Variants in PTPRM observed in about 807,000 individuals in gnomAD.
The protein encoded by PTPRM is protein tyrosine phosphatase receptor type M.
In PTPRM, 47 loss-of-function variants were observed where a neutral mutation model predicts 186.7. That is an observed-to-expected ratio of 0.25 (90% CI 0.20 to 0.32). The LOEUF is 0.32. Among genes scored for constraint, PTPRM ranks in the 10% least tolerant of loss-of-function variants. The pLI, the probability that PTPRM is intolerant of heterozygous loss-of-function variation, is 1.00. For missense variants in PTPRM, 1,494 were observed against 1,865.0 expected (o/e 0.80, Z 3.66); for synonymous variants, 668 against 674.9 (o/e 0.99, Z 0.16).
In PTPRM at chr18:7,906,550, A is replaced by G. The variant is rs751358939; in HGVS notation, c.514A>G (p.Ile172Val). ...ITSGHQGYLAIDEVKVLGHPC... is the reference protein window; with the variant it reads ...ITSGHQGYLAVDEVKVLGHPC... ...TTCTGGACATCAAGGCTATCTCGCTATCGATGAGGTGAAGGTGTTAGGACA... is the reference window on the plus strand; with the variant it reads ...TTCTGGACATCAAGGCTATCTCGCTGTCGATGAGGTGAAGGTGTTAGGACA... Residue 172 changes from isoleucine (I) to valine (V), a missense_variant, in exon 4 of 33, where the codon ATC (isoleucine) becomes GTC (valine). Transcript: ENST00000580170. The G allele has an allele frequency of 2.4e-5, 39 of 1,613,524 alleles. No homozygotes were observed. The Admixed American group carries it at 3.0e-4, about 12-fold the overall frequency.
intron 1 of PTPRM, among the ~76,000 whole-genome samples, chr18:7,738,751 A>G (rs532268361): frequency 2.0e-5 from 3 of 152,154 alleles, no homozygotes; most frequent in East Asian, 3.9e-4. Flanking sequence ...AGTTCGTTCA[A>G]CTTTTGAAGC....
At chr18:7,779,912 C>T (rs751899064) in intron 2 of PTPRM, among the ~76,000 whole-genome samples, 3 of 152,150 alleles carry the variant, frequency 2.0e-5, no homozygotes, top group Non-Finnish European at 2.9e-5. Context: ...TTAAATTCTT[C>T]GTCTGATAAG....
intron 19 of PTPRM, among the ~76,000 whole-genome samples, chr18:8,260,142 TGA>T (rs2094613682): frequency 6.6e-6 from 1 of 151,736 alleles, no homozygotes; most frequent in African/African-American, 2.4e-5. Flanking sequence ...ACACGAGCAG[TGA>T]GAGAGGACCA....
chr18:8,076,507 G>A lies in PTPRM; in HGVS notation c.1494G>A (p.Lys498=). The A allele has an allele frequency of 6.2e-7, 1 of 1,610,284 alleles. No homozygotes were observed. Among genetic ancestry groups the A allele is most frequent in the South Asian group, 1.1e-5 (1 of 90,786 alleles). The change falls in exon 9 of 33, where the codon AAG becomes AAA. Residue 498 remains lysine, a synonymous_variant. Transcript: ENST00000580170. ...TACAAGGAAGTACCTTTGAAGAGAA[G>A]ATATTTCTTCAGTGGAGAGAACCAA... ...ESIQGSTFEE[K]IFLQWREPTQ... is the part of the protein sequence containing the mutation.
intron 23 of PTPRM, among the ~76,000 whole-genome samples, chr18:8,355,536 G>T (rs764333993): frequency 3.9e-5 from 6 of 152,088 alleles, no homozygotes; most frequent in African/African-American, 1.4e-4. Context: ...ATGACAGAGA[G>T]CCCCAAAGGA....
At chr18:8,232,250 G>A (rs1185321450) in intron 14 of PTPRM, among the ~76,000 whole-genome samples, 1 of 152,174 alleles carries the variant, frequency 6.6e-6, no homozygotes, top group African/African-American at 2.4e-5. Flanking sequence ...AGTGACACAC[G>A]TTTAAGTTTC....
intron 2 of PTPRM, among the ~76,000 whole-genome samples, chr18:7,836,169 T>C (rs2046038644): frequency 6.6e-6 from 1 of 152,106 alleles, no homozygotes; most frequent in African/African-American, 2.4e-5. Context: ...GATCTTCTCT[T>C]ATTTCTTTTC....
chr18:7,829,015 C>T (rs920980556), intron 2 of PTPRM, among the ~76,000 whole-genome samples: 2 of 152,044 alleles, frequency 1.3e-5, no homozygotes, highest in African/African-American at 4.8e-5. Flanking sequence ...CTGTTAATTC[C>T]CACAATTTCA....
chr18:7,828,918 T>G (rs1462473050), intron 2 of PTPRM, among the ~76,000 whole-genome samples: 14 of 152,230 alleles, frequency 9.2e-5, no homozygotes. Context: ...ATATAAGTAT[T>G]GCAATAAAGA....
At chr18:8,311,374 C>T (rs564876650) in intron 20 of PTPRM, among the ~76,000 whole-genome samples, 2 of 151,482 alleles carry the variant, frequency 1.3e-5, no homozygotes, top group East Asian at 3.9e-4. Context: ...CTTGGATGAT[C>T]CTGGACCACC....
At chr18:7,792,073 CA>C (rs1354352966) in intron 2 of PTPRM, among the ~76,000 whole-genome samples, 2 of 152,088 alleles carry the variant, frequency 1.3e-5, no homozygotes, top group Non-Finnish European at 2.9e-5. Flanking sequence ...TCAGCTTTTC[CA>C]GGGAAACCAC....
intron 7 of PTPRM, among the ~76,000 whole-genome samples, chr18:8,032,306 A>G (rs2086031064): frequency 6.6e-6 from 1 of 152,148 alleles, no homozygotes; most frequent in Non-Finnish European, 1.5e-5. Context: ...TATGAAATAA[A>G]TTATTATATA....
chr18:8,049,655 C>CATATATATAT (rs150500622), intron 7 of PTPRM, among the ~76,000 whole-genome samples: 1 of 147,920 alleles, frequency 6.8e-6, no homozygotes, highest in African/African-American at 2.5e-5. Flanking sequence ...ACATAATAAA[C>CATATATATAT]ATATATATAT....
rs79780295 is a variant in PTPRM at position 8,273,906 on chromosome 18, C to G, written c.2754+20492C>G. Among the ~76,000 whole-genome samples the G allele has an allele frequency of 1.8e-3, 274 of 152,282 alleles. 2 individuals are homozygous for G. Among genetic ancestry groups the G allele is most frequent in the African/African-American group, 6.5e-3 (269 of 41,558 alleles). ...TTTCCTCTGCCCTTTGGAAATTCCT[C>G]TAAACATTAGTTCTGACTGTCAGCA... On this transcript the variant is annotated intron_variant, in intron 19 of 32. Coordinates refer to ENST00000580170, the MANE Select transcript of PTPRM (RefSeq NM_001105244.2).
At chr18:7,849,304 G>A (rs1307427054) in intron 2 of PTPRM, among the ~76,000 whole-genome samples, 1 of 152,216 alleles carries the variant, frequency 6.6e-6, no homozygotes, top group Non-Finnish European at 1.5e-5. Context: ...TTCTCCTGGA[G>A]AAGGCTGGTG....
chr18:8,120,326 AC>A (rs144406901), intron 13 of PTPRM, among the ~76,000 whole-genome samples: 188 of 152,258 alleles, frequency 1.2e-3, no homozygotes, highest in Non-Finnish European at 2.2e-3. Flanking sequence ...TTTATAATAT[AC>A]TTTTTACATG....
rs75595636 is a variant in PTPRM at position 7,926,807 on chromosome 18, T to G, written c.663+124T>G. The G allele has an allele frequency of 4.6e-3, 2,469 of 534,410 alleles. 39 individuals carry two copies. The highest frequency in any genetic ancestry group is 0.042 in the African/African-American group (2,178 of 51,344). The allele number at this position is 534,410 out of a possible 1,614,324, so 33.1% of individuals were successfully genotyped here. A position where few individuals can be genotyped will look rare whatever the true frequency, so the allele number is the denominator to read the frequency against. On this transcript the variant is annotated intron_variant, in intron 5 of 32. Coordinates refer to ENST00000580170, the MANE Select transcript of PTPRM (RefSeq NM_001105244.2). Reference sequence around the variant, plus strand: ...AAGAGTTTCCTTCTTTGTTAATAAGTAGCCAGATTACTTAGTAATCTATAA... The same window carrying G: ...AAGAGTTTCCTTCTTTGTTAATAAGGAGCCAGATTACTTAGTAATCTATAA...
intron 2 of PTPRM, among the ~76,000 whole-genome samples, chr18:7,846,683 C>T (rs1013321266): frequency 5.1e-4 from 77 of 152,186 alleles, no homozygotes; most frequent in African/African-American, 1.6e-3. Flanking sequence ...CCTAGGGAAG[C>T]GCACAGCCCT....
At chr18:7,772,389 T>A (rs1437330035) in intron 1 of PTPRM, among the ~76,000 whole-genome samples, 2 of 145,200 alleles carry the variant, frequency 1.4e-5, no homozygotes, top group African/African-American at 2.6e-5. Context: ...CTTTCTTTCT[T>A]TCTTTCTTTC....
Sources: gnomAD v4.1 joint callset for allele counts (sites outside exome capture counted in the v4.1 genomes callset) on GRCh38, gnomAD v4.1.1 for gene constraint, MANE v1.5 for transcripts, NCBI Gene and HGNC (gene_info 2026-07-23, HGNC 2026-07-21) for gene names.